The following DLG5 variants were observed in gnomAD, a reference collection of about 807,000 sequenced individuals.
DLG5 encodes the protein disks large homolog 5.
In DLG5, 48 loss-of-function variants were observed where a neutral mutation model predicts 189.8. The ratio of observed to expected loss-of-function variants is 0.25; its 90% CI spans 0.20 to 0.32. The LOEUF is 0.32. DLG5 is among the 10% of genes least tolerant of loss of function. The pLI is 1.00. For missense variants in DLG5, 2,160 were observed against 2,544.7 expected, an observed-to-expected ratio of 0.85 and a Z score of 3.25; for synonymous variants, 1,016 against 1,054.1, an observed-to-expected ratio of 0.96 and a Z score of 0.70.
chr10:77,878,065 C>A (rs1292526170), intron 1 of DLG5, among the ~76,000 whole-genome samples: 3 of 152,202 alleles, frequency 2.0e-5, no homozygotes, highest in African/African-American at 7.2e-5. Flanking sequence ...AGGCACCGGG[C>A]ACCCCCGGCT....
At chr10:77,923,208 T>C (rs1846586813) in intron 1 of DLG5, among the ~76,000 whole-genome samples, 1 of 152,210 alleles carries the variant, frequency 6.6e-6, no homozygotes, top group Non-Finnish European at 1.5e-5. Flanking sequence ...GGCTCCGCAA[T>C]GGCCTCGAAC....
At chr10:77,792,579 A>G in intron 31 of DLG5, 36 bp from the exon 32 acceptor site, 10 of 1,598,402 alleles carry the variant, frequency 6.3e-6, no homozygotes, top group Non-Finnish European at 8.6e-6. Flanking sequence ...CATTCAGCTC[A>G]GAGTAAGACC....
chr10:77,827,078 A>G (rs1842674294), intron 13 of DLG5, among the ~76,000 whole-genome samples: 1 of 152,218 alleles, frequency 6.6e-6, no homozygotes, highest in African/African-American at 2.4e-5. Context: ...GGGACATAAT[A>G]TAATAAATTG....
At position 77,891,573 on chromosome 10, in the gene DLG5, G is replaced by GACACACAC. The variant is rs55688664; in HGVS notation, c.305-22384_305-22377dup. On this transcript the variant is annotated intron_variant, in intron 1 of 31. Coordinates refer to ENST00000372391, the MANE Select transcript of DLG5 (RefSeq NM_004747.4). ...GTGAGCTCACCTCTGTCCCCCAACA[G>GACACACAC]ACACACACACACACACACACACACA... Among the ~76,000 whole-genome samples, 716 of 140,562 alleles carry GACACACAC rather than the reference G, an allele frequency of 5.1e-3. 6 individuals carry two copies. The highest frequency in any genetic ancestry group is 0.014 in the Middle Eastern group (4 of 282). The allele number at this position is 140,562 out of a possible 152,430, so 92.2% of individuals were successfully genotyped here.
rs547520058 is a variant in DLG5 at position 77,918,023 on chromosome 10, A to C, written c.304+8194T>G. The stretch of plus-strand genomic sequence containing the variant: ...ACAAGAGCAAAACTCTGTCTCAAAA[A>C]AAAAAACAAAAAACAAAAAACTTAA... On this transcript the variant is annotated intron_variant, in intron 1 of 31. Transcript: ENST00000372391. Among the ~76,000 whole-genome samples the C allele has an allele frequency of 1.1e-4, 16 of 151,958 alleles. 1 individual carries two copies. Among genetic ancestry groups the C allele is most frequent in the Middle Eastern group, 3.4e-3 (1 of 292 alleles).
At chr10:77,837,377 A>G (rs1843196620) in intron 7 of DLG5, among the ~76,000 whole-genome samples, 1 of 152,180 alleles carries the variant, frequency 6.6e-6, no homozygotes, top group Non-Finnish European at 1.5e-5. Context: ...AGGTTTCTCC[A>G]TGGTGCTCTA....
intron 9 of DLG5, 86 bp from the exon 10 acceptor site, chr10:77,830,959 C>T: frequency 6.7e-7 from 1 of 1,502,098 alleles, no homozygotes; most frequent in South Asian, 1.3e-5. Flanking sequence ...CGAGGCAGGC[C>T]ATTTGAAACA....
intron 13 of DLG5, among the ~76,000 whole-genome samples, chr10:77,826,718 C>T (rs1364434666): frequency 6.6e-6 from 1 of 152,180 alleles, no homozygotes; most frequent in Non-Finnish European, 1.5e-5. Context: ...GAGGCCAAGG[C>T]AGGTGGATCA....
intron 1 of DLG5, among the ~76,000 whole-genome samples, chr10:77,902,714 G>T (rs926967956): frequency 1.5e-4 from 23 of 152,026 alleles, no homozygotes; most frequent in African/African-American, 5.3e-4. Flanking sequence ...CAAAAAATTA[G>T]CTAGGCGTGG....
At chr10:77,866,023 T>C (rs1230497809) in intron 2 of DLG5, among the ~76,000 whole-genome samples, 1 of 152,232 alleles carries the variant, frequency 6.6e-6, no homozygotes, top group Non-Finnish European at 1.5e-5. Flanking sequence ...GTTTTTATTA[T>C]AAGGATCTTG....
At chr10:77,873,698 C>T (rs1844994270) in intron 1 of DLG5, among the ~76,000 whole-genome samples, 1 of 152,140 alleles carries the variant, frequency 6.6e-6, no homozygotes, top group Non-Finnish European at 1.5e-5. Flanking sequence ...ACTCACGCTT[C>T]CTCTTCGTGA....
chr10:77,852,148 G>C (rs1249351970), intron 5 of DLG5, among the ~76,000 whole-genome samples: 1 of 152,072 alleles, frequency 6.6e-6, no homozygotes, highest in African/African-American at 2.4e-5. Context: ...CAAGGTGGGT[G>C]GATCATGAGG....
At position 77,836,030 on chromosome 10, in the gene DLG5, G is replaced by A. The variant is rs550025635; in HGVS notation, c.1438-108C>T. The A allele has an allele frequency of 1.4e-4, 167 of 1,209,358 alleles. 1 individual carries two copies. The Middle Eastern group carries it at 2.1e-3, about 15-fold the overall frequency. 74.9% of individuals were successfully genotyped at this position (1,209,358 alleles called of 1,614,324 possible). The stretch of plus-strand genomic sequence containing the variant: ...GGCTGAGGCTCTAGGGAGCTGGATG[G>A]AGGGAAACACGGAGCCCATCGCAGC... On this transcript the variant is annotated intron_variant, in intron 7 of 31. Coordinates refer to ENST00000372391, the MANE Select transcript of DLG5 (RefSeq NM_004747.4).
rs147837526 is a variant in DLG5 at position 77,834,039 on chromosome 10, C to A, written c.1623G>T (p.Arg541=). 4.7e-5 allele frequency: 76 copies of A among 1,609,122 alleles called. 1 individual carries two copies. The highest frequency in any genetic ancestry group is 3.7e-4 in the South Asian group (34 of 90,996). ...DKIVAERDSI[R]TLCDNLRRER... is the part of the protein sequence containing the mutation. Reference sequence around the variant, plus strand: ...CCCGCCTCAGGTTGTCACACAGTGTCCTGGTGGAAGGAGCAGAGGACAAGG... The same window carrying A: ...CCCGCCTCAGGTTGTCACACAGTGTACTGGTGGAAGGAGCAGAGGACAAGG... Residue 541 remains arginine (R), a splice_region_variant and synonymous_variant, in exon 9 of 32, where the codon CGG becomes CGT. Transcript: ENST00000372391.
At chr10:77,933,589 C>T in the DLG5 span, among the ~76,000 whole-genome samples, 4 of 152,008 alleles carry the variant, frequency 2.6e-5, no homozygotes, top group East Asian at 3.9e-4. Context: ...CCACGGTGCC[C>T]GGCTTATCAG....
Position 77,843,428 on chromosome 10 carries a change from C to G in DLG5, c.1124+19G>C, listed in dbSNP as rs780710412. ...TATAGGACCCATTTGCCCCCGGCCC[C>G]CGATGGCCCTAGCCCTACCTCCTCA... On this transcript the variant is annotated intron_variant, in intron 6 of 31. Coordinates refer to ENST00000372391, the MANE Select transcript of DLG5 (RefSeq NM_004747.4). 4.3e-6 allele frequency: 7 copies of G among 1,610,836 alleles called. No homozygotes were observed. The South Asian group carries it at 7.7e-5, about 18-fold the overall frequency.
At chr10:77,839,755 A>G (rs16935398) in intron 7 of DLG5, among the ~76,000 whole-genome samples, 2 of 152,210 alleles carry the variant, frequency 1.3e-5, no homozygotes, top group East Asian at 1.9e-4. Flanking sequence ...ATTCTAATGC[A>G]TTATCTTTAC....
intron 7 of DLG5, among the ~76,000 whole-genome samples, chr10:77,838,966 A>G (rs1389593685): frequency 6.6e-6 from 1 of 152,226 alleles, no homozygotes; most frequent in Non-Finnish European, 1.5e-5. Flanking sequence ...AGGGCCTGGA[A>G]AAGATCCCTG....
At chr10:77,866,579 GAAATTT>G (rs1207192081) in intron 2 of DLG5, among the ~76,000 whole-genome samples, 1 of 152,116 alleles carries the variant, frequency 6.6e-6, no homozygotes, top group Non-Finnish European at 1.5e-5. Flanking sequence ...TGAGAAACTA[GAAATTT>G]AAATTTCATT....
Sources: gnomAD v4.1 joint callset for allele counts (sites outside exome capture counted in the v4.1 genomes callset) on GRCh38, gnomAD v4.1.1 for gene constraint, MANE v1.5 for transcripts, NCBI Gene and HGNC (gene_info 2026-07-23, HGNC 2026-07-21) for gene names.